Variants in HELZ observed in about 807,000 individuals in gnomAD.
HELZ encodes ATP-dependent RNA helicase with zinc finger domain.
HELZ carries 23 observed loss-of-function variants against 218.2 expected under a neutral mutation model. That is an observed-to-expected ratio of 0.11 (90% confidence interval 0.08 to 0.15). The LOEUF is 0.15. Ranked by LOEUF, HELZ falls within the 10% of genes least tolerant of loss-of-function variation. HELZ has a pLI of 1.00. For synonymous variants in HELZ, 814 were observed against 829.4 expected (o/e 0.98, Z 0.32); for missense variants, 1,813 against 2,353.7 (o/e 0.77, Z 4.75).
intron 5 of HELZ, 66 bp downstream of exon 5, chr17:67,215,833 C>CAA (rs540586856): frequency 2.8e-4 from 239 of 854,520 alleles, no homozygotes; most frequent in African/African-American, 2.7e-3. Flanking sequence ...TGAAATTAGC[C>CAA]AAAAAAAAAA....
Position 67,178,008 on chromosome 17 carries a change from T to C in HELZ, c.1430+651A>G, listed in dbSNP as rs554314994. On this transcript the variant is annotated intron_variant, in intron 13 of 32. Transcript: ENST00000358691. ...ATAATTGTGGTTCAGTTTTTAAGGC[T>C]TGTCTCCAGTTTATCTAAAATATAT... Among the ~76,000 whole-genome samples, 13 of 152,244 alleles carry C rather than the reference T, an allele frequency of 8.5e-5. No homozygotes were observed. In the East Asian group the frequency reaches 1.5e-3, roughly 18 times the overall value.
In HELZ at chr17:67,119,308, C is replaced by T. The variant is rs187321446; in HGVS notation, c.3838+1097G>A. 3.7e-3 allele frequency among the ~76,000 whole-genome samples: 566 copies of T among 152,092 alleles called. 4 individuals are homozygous for T. Among genetic ancestry groups the T allele is most frequent in the Non-Finnish European group, 5.2e-3 (355 of 67,994 alleles). ...GTACATCCATACAACTGAATACTAA[C>T]GGTAAAAAGGAACAAACAACTGACA... is the stretch of plus-strand genomic sequence containing the variant. On this transcript the variant is annotated intron_variant, in intron 27 of 32. Transcript: ENST00000358691.
intron 4 of HELZ, among the ~76,000 whole-genome samples, chr17:67,217,778 T>G (rs1434326850): frequency 6.6e-6 from 1 of 152,154 alleles, no homozygotes; most frequent in Non-Finnish European, 1.5e-5. Flanking sequence ...ACCTTCTCAA[T>G]GAGGCCTGCC....
chr17:67,178,394 G>A (rs1407931722), intron 13 of HELZ, among the ~76,000 whole-genome samples: 4 of 152,026 alleles, frequency 2.6e-5, no homozygotes, highest in African/African-American at 9.7e-5. Flanking sequence ...TTATACTCCC[G>A]GCATCTGGCA....
intron 31 of HELZ, among the ~76,000 whole-genome samples, chr17:67,094,247 G>A (rs1358739076): frequency 6.6e-6 from 1 of 151,910 alleles, no homozygotes; most frequent in Non-Finnish European, 1.5e-5. Context: ...GCTTGAGCCT[G>A]GAAGGCAGAG....
chr17:67,150,117 ATTTAT>A, intron 18 of HELZ, 132 bp from the exon 19 acceptor site: 1 of 300,996 alleles, frequency 3.3e-6, no homozygotes, highest in Non-Finnish European at 5.8e-6. Context: ...ACTTTTATTT[ATTTAT>A]TTTCTTTCTT....
intron 3 of HELZ, among the ~76,000 whole-genome samples, chr17:67,238,348 T>TAA (rs1395714360): frequency 1.2e-5 from 1 of 82,756 alleles, no homozygotes; most frequent in Non-Finnish European, 2.3e-5. Context: ...ACTCTGTCTC[T>TAA]CAAAAAAAAA....
chr17:67,178,393 C>T (rs1022596659), intron 13 of HELZ, among the ~76,000 whole-genome samples: 2 of 152,108 alleles, frequency 1.3e-5, no homozygotes, highest in African/African-American at 2.4e-5. Context: ...TTTATACTCC[C>T]GGCATCTGGC....
intron 18 of HELZ, 145 bp from the exon 19 acceptor site, chr17:67,150,130 CTTTTTT>C (rs11408678): frequency 5.3e-4 from 96 of 179,902 alleles, no homozygotes; most frequent in Middle Eastern, 2.4e-3. Context: ...TATTTTCTTT[CTTTTTT>C]TTTTTTTTTT....
At chr17:67,123,302 A>T in intron 25 of HELZ, 142 bp from the exon 26 acceptor site, 1 of 497,416 alleles carries the variant, frequency 2.0e-6, no homozygotes, top group Non-Finnish European at 3.3e-6. Context: ...AGTGTGGAAA[A>T]GTAAAGCATA....
intron 31 of HELZ, among the ~76,000 whole-genome samples, chr17:67,103,200 A>G (rs996662193): frequency 6.6e-6 from 1 of 152,204 alleles, no homozygotes; most frequent in Non-Finnish European, 1.5e-5. Flanking sequence ...AGCTGTCATA[A>G]TCCATTTTTT....
At position 67,166,559 on chromosome 17, in the gene HELZ, T is replaced by C. The variant is rs1598354722; in HGVS notation, c.1814A>G (p.Tyr605Cys). 2.5e-6 allele frequency: 4 copies of C among 1,612,648 alleles called. No homozygotes were observed. Among genetic ancestry groups the C allele is most frequent in the African/African-American group, 1.3e-5 (1 of 75,028 alleles). The change falls in exon 15 of 33, where the codon TAT becomes TGT. Residue 605 changes from tyrosine to cysteine, a missense_variant. By Grantham distance (194) the Tyr-to-Cys change is radical. Around this residue, in one of 4 missense-constraint regions of HELZ, gnomAD observed 714 missense variants for 1,029.2 expected, o/e 0.69. Transcript: ENST00000358691. ...LNRLPLCEMH[Y>C]ALDRIKDNGV... The stretch of plus-strand genomic sequence containing the variant: ...ATTGTCCTTGATCCTGTCTAGTGCA[T>C]AGTGCATTTCACAGAGGGGTAATCG...
At chr17:67,102,906 G>C (rs1444050882) in intron 31 of HELZ, among the ~76,000 whole-genome samples, 2 of 152,084 alleles carry the variant, frequency 1.3e-5, no homozygotes, top group African/African-American at 4.8e-5. Flanking sequence ...AAAGATAACA[G>C]AAATATCAGA....
In HELZ at chr17:67,107,272, G is replaced by C; in HGVS notation, c.5138C>G (p.Pro1713Arg). 6.2e-7 allele frequency: 1 copy of C among 1,614,216 alleles called. No homozygotes were observed. The highest frequency in any genetic ancestry group is 2.2e-5 in the East Asian group (1 of 44,888). The stretch of plus-strand genomic sequence containing the variant: ...TTGATGATTCTGTATTTGTACAAAA[G>C]GGTTCTGCGGTGGCCTGTGAGGCAA... ...PPLPHRPPQN[P>R]FVQIQNHQHA... The change falls in exon 31 of 33, where the codon CCT becomes CGT. Residue 1713 changes from proline to arginine, a missense_variant. Pro to Arg is a moderately radical substitution (Grantham distance 103, BLOSUM62 -2). Around this residue, in one of 4 missense-constraint regions of HELZ, gnomAD observed 938 missense variants for 1,027.5 expected, o/e 0.91. Transcript: ENST00000358691.
rs1456478152 is a variant in HELZ at position 67,108,107 on chromosome 17, T to C, written c.4724+385A>G. ...AGGAATGTAGAATTCTGTGCCACCA[T>C]AAAAATAATTAATGATATAATTTTT... On this transcript the variant is annotated intron_variant, in intron 30 of 32. Transcript: ENST00000358691. This position sits in a 1 kb window ranked among gnomAD's most constrained non-coding sequence, Gnocchi z 4.1. 1.3e-5 allele frequency among the ~76,000 whole-genome samples: 2 copies of C among 152,222 alleles called. No individual in the cohort carries two copies. The highest frequency in any genetic ancestry group is 2.9e-5 in the Non-Finnish European group (2 of 68,036).
chr17:67,216,601 T>C (rs1222861746), intron 4 of HELZ, among the ~76,000 whole-genome samples: 2 of 152,034 alleles, frequency 1.3e-5, no homozygotes, highest in Non-Finnish European at 2.9e-5. Flanking sequence ...TCAAGAGTTG[T>C]CTATGTTGAT....
chr17:67,071,915 T>C lies in HELZ; in HGVS notation c.*6337A>G, dbSNP rs1462132221. 1 of 152,508 alleles carries C rather than the reference T, an allele frequency of 6.6e-6. No homozygotes were observed. Among genetic ancestry groups the C allele is most frequent in the African/African-American group, 2.4e-5 (1 of 41,390 alleles). 9.4% of individuals were successfully genotyped at this position (152,508 alleles called of 1,614,324 possible). On this transcript the variant is annotated 3_prime_UTR_variant, in exon 33 of 33. Transcript: ENST00000358691. ...CATATGTAACACTTCAGGCTCTCTC[T>C]AACACCTGCTGGCATGGCAGAGAAT...
intron 3 of HELZ, among the ~76,000 whole-genome samples, chr17:67,237,782 A>T (rs1222108313): frequency 6.6e-6 from 1 of 151,382 alleles, no homozygotes; most frequent in Admixed American, 6.6e-5. Context: ...TGAGGTCAGG[A>T]GTTCGAGACC....
intron 28 of HELZ, among the ~76,000 whole-genome samples, chr17:67,110,729 T>C (rs1192424559): frequency 1.3e-5 from 2 of 152,208 alleles, no homozygotes; most frequent in Non-Finnish European, 2.9e-5. Context: ...CTCATTTGTT[T>C]ACATGTTGTC....
Sources: allele counts gnomAD v4.1 joint callset (sites outside exome capture counted in the v4.1 genomes callset), GRCh38; gene constraint gnomAD v4.1.1; regional missense constraint gnomAD v4.1.1; non-coding constraint Gnocchi (gnomAD v3.1); transcripts MANE v1.5; gene names NCBI Gene and HGNC (gene_info 2026-07-23, HGNC 2026-07-21).